Variants in ANK1 observed in about 807,000 individuals in gnomAD.
ANK1 encodes ankyrin 1.
A neutral mutation model predicts 210.4 loss-of-function variants in ANK1; 51 were observed. That is an observed-to-expected ratio of 0.24 (90% CI 0.19 to 0.31). The LOEUF (loss-of-function observed/expected upper bound fraction) is 0.31. Among genes scored for constraint, ANK1 ranks in the 10% least tolerant of loss-of-function variants. The pLI, the probability that ANK1 is intolerant of heterozygous loss-of-function variation, is 1.00. For synonymous variants in ANK1, 967 were observed against 1,025.9 expected (o/e 0.94, Z 1.10); for missense variants, 2,051 against 2,504.4 (o/e 0.82, Z 3.86).
At chr8:41,781,468 C>T (rs1452734853) in intron 1 of ANK1, among the ~76,000 whole-genome samples, 2 of 152,212 alleles carry the variant, frequency 1.3e-5, no homozygotes, top group Admixed American at 1.3e-4. Flanking sequence ...GGGTACCACA[C>T]CCAGGGACCA....
At chr8:41,663,112 CTCTGTG>C (rs1809085042) in intron 40 of ANK1, among the ~76,000 whole-genome samples, 1 of 129,484 alleles carries the variant, frequency 7.7e-6, no homozygotes, top group African/African-American at 2.8e-5. Context: ...CTCTCTCTCT[CTCTGTG>C]TGTGTGTGTG....
At chr8:41,669,172 A>C (rs1244641812) in intron 38 of ANK1, among the ~76,000 whole-genome samples, 1 of 151,608 alleles carries the variant, frequency 6.6e-6, no homozygotes, top group African/African-American at 2.4e-5. Context: ...CTTCCTAAGC[A>C]AGCTCATTCA....
intron 1 of ANK1, among the ~76,000 whole-genome samples, chr8:41,842,135 C>T (rs903831143): frequency 2.6e-5 from 4 of 152,154 alleles, no homozygotes; most frequent in African/African-American, 7.2e-5. Flanking sequence ...CCAGGAGGCA[C>T]CAGGGTGGAC....
chr8:41,721,550 G>A (rs932484665), intron 9 of ANK1, among the ~76,000 whole-genome samples: 4 of 151,770 alleles, frequency 2.6e-5, no homozygotes, highest in African/African-American at 4.8e-5. Context: ...CCAGCTACTC[G>A]GGAAGCTGAG....
intron 2 of ANK1, among the ~76,000 whole-genome samples, chr8:41,736,203 A>C (rs1462940111): frequency 6.6e-6 from 1 of 152,204 alleles, no homozygotes; most frequent in Non-Finnish European, 1.5e-5. Context: ...GGGAGAGAGC[A>C]CTGGGCAGGC....
At chr8:41,886,231 G>A (rs1299825253) in intron 1 of ANK1, among the ~76,000 whole-genome samples, 1 of 152,210 alleles carries the variant, frequency 6.6e-6, no homozygotes, top group South Asian at 2.1e-4. Context: ...CAGCCCCAAG[G>A]TGGATATGGG....
chr8:41,830,672 G>A lies in ANK1; in HGVS notation c.126+65683C>T, dbSNP rs117452590. Reference sequence around the variant, plus strand: ...TTCGGGGATAGGACCCAAATCCCAAGGCAAAGGGAGTCAGAAGCGAGTAAG... The same window carrying A: ...TTCGGGGATAGGACCCAAATCCCAAAGCAAAGGGAGTCAGAAGCGAGTAAG... On this transcript the variant is annotated intron_variant, in intron 1 of 42. Transcript: ENST00000265709. Among the ~76,000 whole-genome samples the A allele has an allele frequency of 8.1e-3, 1,237 of 152,264 alleles. 13 individuals are homozygous for A. Among genetic ancestry groups the A allele is most frequent in the Non-Finnish European group, 0.013 (859 of 68,028 alleles).
At chr8:41,691,043 G>A (rs1819139445) in intron 31 of ANK1, among the ~76,000 whole-genome samples, 1 of 151,992 alleles carries the variant, frequency 6.6e-6, no homozygotes, top group Non-Finnish European at 1.5e-5. Flanking sequence ...GGCAACATAG[G>A]AGATCCTCAT....
rs572017048 is a variant in ANK1 at position 41,847,313 on chromosome 8, G to A, written c.126+49042C>T. Among the ~76,000 whole-genome samples, 11 of 152,302 alleles carry A rather than the reference G, an allele frequency of 7.2e-5. No homozygotes were observed. The South Asian group carries it at 1.7e-3, about 23-fold the overall frequency. Reference sequence around the variant, plus strand: ...AAGGTTTACCTGGGGAGGTGAAAGCGAGGAAGACGGTGCAGGTGGATTTAT... The same window carrying A: ...AAGGTTTACCTGGGGAGGTGAAAGCAAGGAAGACGGTGCAGGTGGATTTAT... On this transcript the variant is annotated intron_variant, in intron 1 of 42. Coordinates refer to the ANK1 transcript ENST00000265709.
In ANK1 at chr8:41,737,706, G is replaced by A. The variant is rs564683005; in HGVS notation, c.130-3637C>T. The stretch of plus-strand genomic sequence containing the variant: ...AAATCACTTCCAAGTCTATTACTGC[G>A]GGGATCTGAATCCACTGTTCTCAGC... On this transcript the variant is annotated intron_variant, in intron 2 of 42. Coordinates refer to ENST00000289734, the MANE Select transcript of ANK1 (RefSeq NM_000037.4). 6.6e-4 allele frequency among the ~76,000 whole-genome samples: 100 copies of A among 152,260 alleles called. 2 individuals are homozygous for A. In the South Asian group the frequency reaches 0.02, roughly 31 times the overall value.
chr8:41,865,006 G>A (rs1814095649), intron 1 of ANK1, among the ~76,000 whole-genome samples: 1 of 152,206 alleles, frequency 6.6e-6, no homozygotes, highest in African/African-American at 2.4e-5. Context: ...ACCCCTTCCA[G>A]AAGCCTTGAG....
chr8:41,877,276 T>C (rs1310322946), intron 1 of ANK1, among the ~76,000 whole-genome samples: 1 of 152,250 alleles, frequency 6.6e-6, no homozygotes, highest in Non-Finnish European at 1.5e-5. Context: ...CATGGCCTCC[T>C]AACTACCAGT....
chr8:41,864,668 A>G (rs1055587244), intron 1 of ANK1, among the ~76,000 whole-genome samples: 1 of 152,258 alleles, frequency 6.6e-6, no homozygotes, highest in African/African-American at 2.4e-5. Context: ...TAAGCCCTGC[A>G]GAGAGATGAG....
rs183864227 is a variant in ANK1 at position 41,719,803 on chromosome 8, C to T, written c.965G>A (p.Arg322Gln). 1.6e-4 allele frequency: 260 copies of T among 1,614,184 alleles called. No homozygotes were observed. The highest frequency in any genetic ancestry group is 2.1e-4 in the Non-Finnish European group (247 of 1,180,034). The change falls in exon 10 of 43, where the codon CGG becomes CAG. Residue 322 changes from arginine to glutamine, a missense_variant. Transcript: ENST00000289734. ...CTCTGCGTCGTATTGCAACAGGAGC[C>T]GGACACAGTCGAGGTGGTCTCCCTG... ...AAQGDHLDCV[R>Q]LLLQYDAEID...
intron 16 of ANK1, among the ~76,000 whole-genome samples, chr8:41,711,746 T>C (rs1301137683): frequency 6.6e-6 from 1 of 152,188 alleles, no homozygotes; most frequent in Non-Finnish European, 1.5e-5. Flanking sequence ...TGCCTGTAAC[T>C]CCTGCCTCTC....
Position 41,863,475 on chromosome 8 carries a change from A to C in ANK1, c.126+32880T>G, listed in dbSNP as rs574018824. Among the ~76,000 whole-genome samples the C allele has an allele frequency of 3.3e-5, 5 of 152,318 alleles. No individual in the cohort carries two copies. The South Asian group carries it at 1.0e-3, about 32-fold the overall frequency. On this transcript the variant is annotated intron_variant, in intron 1 of 42. Transcript: ENST00000265709. ...AAAATCACCATAATCTCACCAGCTAAAGGTAATTTCAAAACTGTGTGTACC... is the reference window on the plus strand; with the variant it reads ...AAAATCACCATAATCTCACCAGCTACAGGTAATTTCAAAACTGTGTGTACC...
chr8:41,879,726 G>A (rs552262928), intron 1 of ANK1, among the ~76,000 whole-genome samples: 33 of 152,274 alleles, frequency 2.2e-4, no homozygotes, highest in African/African-American at 6.3e-4. Context: ...AGCGCAGCCC[G>A]CTCAGACCTT....
intron 1 of ANK1, among the ~76,000 whole-genome samples, chr8:41,826,197 C>T (rs1344053807): frequency 6.6e-6 from 1 of 152,152 alleles, no homozygotes; most frequent in African/African-American, 2.4e-5. Flanking sequence ...CTAATCCTCC[C>T]TTTGCTGACT....
chr8:41,767,309 C>G (rs1419426475), intron 1 of ANK1, among the ~76,000 whole-genome samples: 2 of 151,494 alleles, frequency 1.3e-5, no homozygotes, highest in Non-Finnish European at 3.0e-5. Flanking sequence ...GCCCCGGCCC[C>G]GGCCGGGCAA....
Sources: gnomAD v4.1 joint callset for allele counts (sites outside exome capture counted in the v4.1 genomes callset) on GRCh38, gnomAD v4.1.1 for gene constraint, MANE v1.5 for transcripts, NCBI Gene and HGNC (gene_info 2026-07-23, HGNC 2026-07-21) for gene names.